The following CNGB3 variants were observed in gnomAD, a reference collection of about 807,000 sequenced individuals.
CNGB3 encodes the protein cyclic nucleotide-gated channel beta-3.
CNGB3 carries 86 observed loss-of-function variants against 92.8 expected under a neutral mutation model. The observed-to-expected ratio is 0.93, with a 90% CI of 0.78 to 1.11. The LOEUF is 1.11. Among genes scored for constraint, CNGB3 ranks in the 50% least tolerant of loss-of-function variants. The pLI is 0.00. For synonymous variants in CNGB3, 333 were observed against 332.7 expected (o/e 1.00, Z -0.01); for missense variants, 1,026 against 956.8 (o/e 1.07, Z -0.95).
chr8:86,739,619 A>G, intron 2 of CNGB3, 36 bp downstream of exon 2: 2 of 1,386,290 alleles, frequency 1.4e-6, no homozygotes, highest in Non-Finnish European at 2.0e-6. Context: ...TTCACTTTTT[A>G]GTTTTTTTTT....
chr8:86,658,688 G>A lies in CNGB3; in HGVS notation c.853-4626C>T, dbSNP rs182431727. 618 of 384,328 alleles carry A rather than the reference G, an allele frequency of 1.6e-3. 3 individuals carry two copies. Among genetic ancestry groups the A allele is most frequent in the Non-Finnish European group, 2.5e-3 (515 of 205,554 alleles). 23.8% of individuals were successfully genotyped at this position (384,328 alleles called of 1,614,324 possible). On this transcript the variant is annotated intron_variant, in intron 6 of 17. Transcript: ENST00000320005. ...TCTCCTTCAGCTCACCCAGCTTCTC[G>A]CTCGGCTCTTTCTTGATGTGCTGCT...
intron 3 of CNGB3, among the ~76,000 whole-genome samples, chr8:86,723,206 G>T (rs1055268446): frequency 6.6e-6 from 1 of 152,024 alleles, no homozygotes; most frequent in Non-Finnish European, 1.5e-5. Flanking sequence ...GATCAGTCCA[G>T]ACATAATAAT....
intron 2 of CNGB3, 82 bp downstream of exon 2, chr8:86,739,573 A>G (rs1825304359): frequency 6.3e-7 from 1 of 1,576,368 alleles, no homozygotes. Context: ...AAGGACAAAT[A>G]TTTCATCAGA....
At position 86,670,944 on chromosome 8, in the gene CNGB3, C is replaced by A. The variant is rs1284760271; in HGVS notation, c.493G>T (p.Ala165Ser). 6.2e-7 allele frequency: 1 copy of A among 1,612,236 alleles called. No individual in the cohort carries two copies. Among genetic ancestry groups the A allele is most frequent in the Admixed American group, 1.7e-5 (1 of 60,000 alleles). Reference sequence around the variant, plus strand: ...AGTACTTGGAGGGAGCAATGCTTACCAGTTTGTGGGCTGGCTTCGGGTGAG... The same window carrying A: ...AGTACTTGGAGGGAGCAATGCTTACAAGTTTGTGGGCTGGCTTCGGGTGAG... Reference protein sequence around the residue: ...LSSPEASPQTAKPTAVPPVKE... With the variant: ...LSSPEASPQTSKPTAVPPVKE... The change falls in exon 4 of 18, where the codon GCA (alanine) becomes TCA (serine). Residue 165 changes from alanine (A) to serine (S), a missense_variant and splice_region_variant. Physicochemically the swap from Ala to Ser is moderately conservative, Grantham distance 99. Transcript: ENST00000320005.
rs543589024 is a variant in CNGB3, at chr8:86,591,133, G to A, written c.1782-11881C>T. Among the ~76,000 whole-genome samples, 1,045 of 150,146 alleles carry A rather than the reference G, an allele frequency of 7.0e-3. 7 individuals are homozygous for A. Among genetic ancestry groups the A allele is most frequent in the Middle Eastern group, 0.017 (5 of 292 alleles). On this transcript the variant is annotated intron_variant, in intron 15 of 17. Coordinates refer to ENST00000320005, the MANE Select transcript of CNGB3 (RefSeq NM_019098.5). ...ACCCTTTCTTCCAGTTGATCACATCGGCTCCTGAGGCTTCTGCATTCTTCA... is the reference window on the plus strand; with the variant it reads ...ACCCTTTCTTCCAGTTGATCACATCAGCTCCTGAGGCTTCTGCATTCTTCA...
At chr8:86,616,160 A>G (rs989337850) in intron 13 of CNGB3, among the ~76,000 whole-genome samples, 20 of 152,216 alleles carry the variant, frequency 1.3e-4, no homozygotes, top group Non-Finnish European at 1.5e-5. Flanking sequence ...ATTTTCTCAG[A>G]GAAAAACATT....
intron 15 of CNGB3, among the ~76,000 whole-genome samples, chr8:86,590,507 C>T (rs1822004529): frequency 6.6e-6 from 1 of 152,026 alleles, no homozygotes; most frequent in African/African-American, 2.4e-5. Flanking sequence ...TTAGCGCTTC[C>T]TTCAGGAGCT....
At chr8:86,691,514 T>C (rs1354649458) in intron 3 of CNGB3, among the ~76,000 whole-genome samples, 2 of 152,328 alleles carry the variant, frequency 1.3e-5, no homozygotes, top group East Asian at 1.9e-4. Flanking sequence ...GGGTTTGTCA[T>C]AGATGGCTTT....
At chr8:86,623,645 G>A (rs1822786495) in intron 13 of CNGB3, among the ~76,000 whole-genome samples, 1 of 152,148 alleles carries the variant, frequency 6.6e-6, no homozygotes, top group Admixed American at 6.5e-5. Flanking sequence ...TTGCATTAGG[G>A]ATTGAGTTTC....
rs1339909780 is a variant in CNGB3, at chr8:86,625,994, C to G, written c.1567G>C (p.Asp523His). The change falls in exon 13 of 18, where the codon GAC becomes CAC. Residue 523 changes from aspartate (D) to histidine (H), a missense_variant. Transcript: ENST00000320005. ...GTAAAAGCACTTGCCTTGAACAAGT[C>G]GACTTTGCTGATGATGCTGAAGTTC... ...DVNFSIISKV[D>H]LFKGCDTQMI... 2.5e-6 allele frequency: 4 copies of G among 1,613,380 alleles called. No homozygotes were observed. The highest frequency in any genetic ancestry group is 2.5e-6 in the Non-Finnish European group (3 of 1,179,572).
chr8:86,676,271 G>C (rs187337906), intron 3 of CNGB3, among the ~76,000 whole-genome samples: 2 of 152,134 alleles, frequency 1.3e-5, no homozygotes, highest in Admixed American at 6.5e-5. Context: ...GGTGATCTGC[G>C]GTGAGTTTAC....
chr8:86,667,341 A>T (rs796829218), intron 5 of CNGB3, among the ~76,000 whole-genome samples: 3 of 152,306 alleles, frequency 2.0e-5, no homozygotes, highest in African/African-American at 7.2e-5. Flanking sequence ...ACCTCTTCCG[A>T]AAGTGGAGAG....
intron 3 of CNGB3, among the ~76,000 whole-genome samples, chr8:86,694,355 AC>A (rs1246464131): frequency 1.8e-5 from 2 of 109,262 alleles, no homozygotes; most frequent in African/African-American, 7.3e-5. Flanking sequence ...CGGGGGGCTG[AC>A]CCCCCCACTT....
At chr8:86,629,171 TA>T in intron 11 of CNGB3, 93 bp from the exon 12 acceptor site, 1 of 1,336,592 alleles carries the variant, frequency 7.5e-7, no homozygotes, top group Non-Finnish European at 1.1e-6. Context: ...TACTTCCTTC[TA>T]ATGCCCTGAT....
At chr8:86,708,505 G>A (rs186484203) in intron 3 of CNGB3, among the ~76,000 whole-genome samples, 129 of 151,934 alleles carry the variant, frequency 8.5e-4, no homozygotes, top group Non-Finnish European at 1.4e-3. Flanking sequence ...GGGAAAAGTG[G>A]ACAGAAGCCA....
At chr8:86,722,372 A>T (rs533637851) in intron 3 of CNGB3, among the ~76,000 whole-genome samples, 13 of 152,232 alleles carry the variant, frequency 8.5e-5, no homozygotes, top group Non-Finnish European at 1.9e-4. Flanking sequence ...GGGACTTCAC[A>T]GGGGTGAACC....
chr8:86,610,951 T>C (rs996212874), intron 14 of CNGB3, among the ~76,000 whole-genome samples: 2 of 152,196 alleles, frequency 1.3e-5, no homozygotes, highest in African/African-American at 2.4e-5. Context: ...TCATATGATA[T>C]ATTGTTACAT....
intron 14 of CNGB3, 75 bp downstream of exon 14, chr8:86,611,513 C>G: frequency 8.1e-7 from 1 of 1,227,408 alleles, no homozygotes; most frequent in South Asian, 1.2e-5. Flanking sequence ...TTTGTTTAAA[C>G]AATGTTCTTG....
intron 3 of CNGB3, among the ~76,000 whole-genome samples, chr8:86,711,381 C>G (rs1824747422): frequency 6.6e-6 from 1 of 152,162 alleles, no homozygotes. Context: ...TCACATGGCT[C>G]TCCTCACTTT....
Sources: gnomAD v4.1 joint callset for allele counts (sites outside exome capture counted in the v4.1 genomes callset) on GRCh38, gnomAD v4.1.1 for gene constraint, MANE v1.5 for transcripts, NCBI Gene and HGNC (gene_info 2026-07-23, HGNC 2026-07-21) for gene names.